Variants in AFG2A observed in about 807,000 individuals in gnomAD.
AFG2A encodes ATPase family gene 2 protein homolog A.
At chr4:123,206,426 G>A in the AFG2A span, among the ~76,000 whole-genome samples, 84,562 of 151,970 alleles carry the variant, frequency 0.56, 26,640 homozygotes, top group Non-Finnish European at 0.69. Context: ...TGAAGTGGAT[G>A]TAACTAACAG....
At chr4:123,177,962 G>A in the AFG2A span, among the ~76,000 whole-genome samples, 22 of 152,244 alleles carry the variant, frequency 1.4e-4, no homozygotes, top group African/African-American at 4.6e-4. Context: ...ATTATTTTGC[G>A]TAATTTATGT....
At chr4:123,081,773 A>G in the AFG2A span, among the ~76,000 whole-genome samples, 2 of 152,190 alleles carry the variant, frequency 1.3e-5, no homozygotes, top group Admixed American at 6.5e-5. Context: ...AGTGAATAAA[A>G]GTTTCTGTTG....
the AFG2A span, among the ~76,000 whole-genome samples, chr4:123,222,344 C>T: frequency 6.6e-6 from 1 of 152,108 alleles, no homozygotes; most frequent in African/African-American, 2.4e-5. Flanking sequence ...CATGTTTCTT[C>T]TTGACCTAAA....
chr4:123,256,502 A>C, the AFG2A span, among the ~76,000 whole-genome samples: 5 of 152,176 alleles, frequency 3.3e-5, no homozygotes, highest in African/African-American at 7.2e-5. Context: ...AACCAATCAC[A>C]CACTTCTCTA....
the AFG2A span, among the ~76,000 whole-genome samples, chr4:123,272,768 G>GTTGAGAT: frequency 0.025 from 3,830 of 152,184 alleles, 167 homozygotes; most frequent in African/African-American, 0.086. Flanking sequence ...CAAAATAATA[G>GTTGAGAT]TTGAGATTTA....
chr4:123,078,965 T>C, the AFG2A span, among the ~76,000 whole-genome samples: 1 of 152,224 alleles, frequency 6.6e-6, no homozygotes, highest in Non-Finnish European at 1.5e-5. Flanking sequence ...AGTGCCCTCC[T>C]TTGTGCTCTG....
At chr4:123,075,557 C>T in the AFG2A span, among the ~76,000 whole-genome samples, 122 of 152,098 alleles carry the variant, frequency 8.0e-4, no homozygotes, top group African/African-American at 2.7e-3. Context: ...GCTTCGGCCT[C>T]GCAGAGTGCT....
At chr4:123,075,972 AC>A in the AFG2A span, among the ~76,000 whole-genome samples, 1 of 75,158 alleles carries the variant, frequency 1.3e-5, no homozygotes, top group Non-Finnish European at 3.1e-5. Context: ...AACAACAACA[AC>A]AACAAAAAAA....
chr4:123,139,044 G>A, the AFG2A span, among the ~76,000 whole-genome samples: 2 of 151,942 alleles, frequency 1.3e-5, no homozygotes, highest in African/African-American at 4.8e-5. Flanking sequence ...TTAAATTTTG[G>A]AATTTTTAAT....
the AFG2A span, among the ~76,000 whole-genome samples, chr4:123,205,622 C>T: frequency 6.6e-6 from 1 of 152,022 alleles, no homozygotes; most frequent in Admixed American, 6.6e-5. Flanking sequence ...ACGCAAATAA[C>T]TACACCATTT....
the AFG2A span, among the ~76,000 whole-genome samples, chr4:123,018,477 A>G: frequency 1.3e-5 from 2 of 152,198 alleles, no homozygotes; most frequent in Non-Finnish European, 2.9e-5. Context: ...AGAGGTGTTG[A>G]AAGATGATAT....
the AFG2A span, among the ~76,000 whole-genome samples, chr4:123,221,358 T>C: frequency 6.6e-6 from 1 of 152,078 alleles, no homozygotes. Flanking sequence ...AGATGTGGTC[T>C]CATTGTGTTG....
chr4:123,288,961 A>G, the AFG2A span, among the ~76,000 whole-genome samples: 1,306 of 152,262 alleles, frequency 8.6e-3, 26 homozygotes, highest in African/African-American at 0.03. Context: ...GCTTTTTTCT[A>G]CATATTTAGT....
chr4:123,118,436 CT>C, the AFG2A span, among the ~76,000 whole-genome samples: 1 of 148,638 alleles, frequency 6.7e-6, no homozygotes, highest in African/African-American at 2.5e-5. Flanking sequence ...CAGTACTTTG[CT>C]TTTTTGATTT....
the AFG2A span, among the ~76,000 whole-genome samples, chr4:123,105,207 C>T: frequency 1.3e-5 from 2 of 152,292 alleles, no homozygotes; most frequent in South Asian, 4.1e-4. Flanking sequence ...GTTAAGTCTA[C>T]TCTGCCTGTG....
At chr4:123,234,338 T>G in the AFG2A span, among the ~76,000 whole-genome samples, 3 of 152,142 alleles carry the variant, frequency 2.0e-5, no homozygotes, top group African/African-American at 7.2e-5. Flanking sequence ...TTCAAGCTTT[T>G]ATTTCCCTTT....
chr4:123,049,910 T>C, the AFG2A span, among the ~76,000 whole-genome samples: 1 of 152,144 alleles, frequency 6.6e-6, no homozygotes, highest in Non-Finnish European at 1.5e-5. Flanking sequence ...TTAGATTGTT[T>C]CTTTGAAGTC....
chr4:123,274,558 G>T, the AFG2A span, among the ~76,000 whole-genome samples: 1 of 150,982 alleles, frequency 6.6e-6, no homozygotes, highest in Non-Finnish European at 1.5e-5. Flanking sequence ...GCTGGTTTGG[G>T]CAAGGTTCGG....
the AFG2A span, among the ~76,000 whole-genome samples, chr4:123,153,782 G>T: frequency 6.6e-6 from 1 of 151,696 alleles, no homozygotes. Context: ...GTGATAAAAA[G>T]AAAACTTTAA....
Sources: gnomAD v4.1 joint callset for allele counts (sites outside exome capture counted in the v4.1 genomes callset) on GRCh38, gnomAD v4.1.1 for gene constraint, MANE v1.5 for transcripts, NCBI Gene and HGNC (gene_info 2026-07-23, HGNC 2026-07-21) for gene names.